The following ADGRL1 variants were observed in gnomAD, a reference collection of about 807,000 sequenced individuals.
ADGRL1 encodes the protein adhesion G protein-coupled receptor L1, also known as CIRL-1.
ADGRL1 carries 31 observed loss-of-function variants against 148.9 expected under a neutral mutation model. The observed-to-expected ratio is 0.21, with a 90% confidence interval of 0.16 to 0.28. The LOEUF is 0.28. Among genes scored for constraint, ADGRL1 ranks in the 10% least tolerant of loss-of-function variants. The probability of loss-of-function intolerance (pLI) is 1.00; values close to 1 mark genes in which losing one functional copy is unlikely to be tolerated. For missense variants in ADGRL1, 1,521 were observed against 2,058.8 expected, an observed-to-expected ratio of 0.74 and a Z score of 5.05; for synonymous variants, 937 against 900.3, an observed-to-expected ratio of 1.04 and a Z score of -0.73.
In ADGRL1 at chr19:14,152,491, C is replaced by T. The variant is rs1173229771; in HGVS notation, c.3520+26G>A. 1 of 1,612,466 alleles carries T rather than the reference C, an allele frequency of 6.2e-7. No homozygotes were observed. The highest frequency in any genetic ancestry group is 8.5e-7 in the Non-Finnish European group (1 of 1,178,706). On this transcript the variant is annotated intron_variant, in intron 20 of 22. Transcript: ENST00000361434. This position sits in a 1 kb window ranked among gnomAD's most constrained non-coding sequence, Gnocchi z 6.1. ...AGCCGGGAGCCTCCAGAGACTGAAG[C>T]CAGAGGCAGAAGGATGCCTTCTCAC...
intron 18 of ADGRL1, among the ~76,000 whole-genome samples, chr19:14,154,648 C>T (rs569655486): frequency 6.6e-6 from 1 of 151,804 alleles, no homozygotes; most frequent in East Asian, 1.9e-4. Context: ...GCTCTGTTGC[C>T]CAGACTGGAG....
chr19:14,180,130 C>A (rs1971087581), intron 2 of ADGRL1, among the ~76,000 whole-genome samples: 1 of 152,132 alleles, frequency 6.6e-6, no homozygotes, highest in Admixed American at 6.6e-5. Flanking sequence ...TGGCAGTACA[C>A]CATGTGTGTT....
In ADGRL1 at chr19:14,177,613, C is replaced by T. The variant is rs778601595; in HGVS notation, c.202G>A (p.Asp68Asn). 23 of 1,614,094 alleles carry T rather than the reference C, an allele frequency of 1.4e-5. No homozygotes were observed. The highest frequency in any genetic ancestry group is 3.3e-5 in the South Asian group (3 of 91,092). The change falls in exon 3 of 23, where the codon GAC (aspartate) becomes AAC (asparagine). Residue 68 changes from aspartate to asparagine, a missense_variant. Coordinates refer to ENST00000361434, the MANE Select transcript of ADGRL1 (RefSeq NM_014921.5). ...AAAGGGTCAGCATCGCAAATCTTGT[C>T]GTCCGTGCGCCCGTAGTTGGCATTC... ...VENANYGRTD[D>N]KICDADPFQM...
At chr19:14,167,391 G>A (rs564234345) in intron 4 of ADGRL1, among the ~76,000 whole-genome samples, 13 of 152,126 alleles carry the variant, frequency 8.5e-5, no homozygotes, top group African/African-American at 3.1e-4. Flanking sequence ...GGTGCAAGGC[G>A]GGGGCAGGGA....
intron 2 of ADGRL1, among the ~76,000 whole-genome samples, chr19:14,182,624 T>C (rs1162421949): frequency 1.3e-5 from 2 of 152,046 alleles, no homozygotes; most frequent in African/African-American, 4.8e-5. Context: ...TGCCTCCTCA[T>C]CTAATTTTAG....
chr19:14,203,984 G>A (rs1449789121), intron 1 of ADGRL1, among the ~76,000 whole-genome samples: 1 of 152,122 alleles, frequency 6.6e-6, no homozygotes, highest in Non-Finnish European at 1.5e-5. Context: ...ACCAGCAGGA[G>A]GGCCGGGACC....
In ADGRL1 at chr19:14,169,710, C is replaced by T. The variant is rs142604004; in HGVS notation, c.394+972G>A. 1,285 of 152,272 alleles carry T rather than the reference C, an allele frequency of 8.4e-3. 15 individuals are homozygous for T. Among genetic ancestry groups the T allele is most frequent in the South Asian group, 0.047 (227 of 4,810 alleles). 9.4% of individuals were successfully genotyped at this position (152,272 alleles called of 1,614,324 possible). On this transcript the variant is annotated intron_variant, in intron 4 of 22. Coordinates refer to ENST00000361434, the MANE Select transcript of ADGRL1 (RefSeq NM_014921.5). ...CTTAGTCCCCAAACCCGGCCCGCCA[C>T]ACTCAGACACCCTGATGGCCCTGCC... is the stretch of plus-strand genomic sequence containing the variant.
chr19:14,158,452 G>A lies in ADGRL1; in HGVS notation c.2250C>T (p.Gly750=). ...TCACCACTAGAGAGGCGCCCCCAGG[G>A]CCACCCGGGCCTGCTTCGCCGGCCA... ...VKLAGEAGPG[G]PGGASLVVNS... Residue 750 remains glycine (G), a synonymous_variant, in exon 12 of 23, where the codon GGC becomes GGT. Transcript: ENST00000361434. 6.2e-7 allele frequency: 1 copy of A among 1,613,750 alleles called. No individual in the cohort carries two copies. The highest frequency in any genetic ancestry group is 8.5e-7 in the Non-Finnish European group (1 of 1,180,014).
At position 14,183,595 on chromosome 19, in the gene ADGRL1, C is replaced by G; in HGVS notation, c.8G>C (p.Arg3Pro). 1 of 1,577,346 alleles carries G rather than the reference C, an allele frequency of 6.3e-7. No individual in the cohort carries two copies. Among genetic ancestry groups the G allele is most frequent in the Non-Finnish European group, 8.6e-7 (1 of 1,161,310 alleles). ...CAGATTCCAGAGCACTGCGGCTAGGCGGGCCATGGTGGCAGCCGGGTGCGT... is the reference window on the plus strand; with the variant it reads ...CAGATTCCAGAGCACTGCGGCTAGGGGGGCCATGGTGGCAGCCGGGTGCGT... MA[R>P]LAAVLWNLCV... is the part of the protein sequence containing the mutation. The change falls in exon 2 of 23, where the codon CGC becomes CCC. Residue 3 changes from arginine to proline, a missense_variant. Transcript: ENST00000361434.
rs1324244570 is a variant in ADGRL1, at chr19:14,155,225, C to T, written c.3294+134G>A. The T allele has an allele frequency of 1.9e-6, 2 of 1,047,330 alleles. No homozygotes were observed. The highest frequency in any genetic ancestry group is 2.8e-6 in the Non-Finnish European group (2 of 716,666). The allele number at this position is 1,047,330 out of a possible 1,614,324, so 64.9% of individuals were successfully genotyped here. ...CCCCTCCCGGTGGACGCAGACCTGACCACAGAAGCCCTGCAGCACTCACTG... is the reference window on the plus strand; with the variant it reads ...CCCCTCCCGGTGGACGCAGACCTGATCACAGAAGCCCTGCAGCACTCACTG... On this transcript the variant is annotated intron_variant, in intron 18 of 22. Transcript: ENST00000361434. The surrounding 1 kb of genome is among the most constrained non-coding windows in gnomAD (Gnocchi z 5.0).
rs752961006 is a variant in ADGRL1, at chr19:14,157,125, G to A, written c.2766C>T (p.Ala922=). The change falls in exon 15 of 23, where the codon GCC becomes GCT. Residue 922 remains alanine, a synonymous_variant. Transcript: ENST00000361434. This position sits in a 1 kb window ranked among gnomAD's most constrained non-coding sequence, Gnocchi z 7.5. ...CCAGGAAGAAATAGTGCAGCAGGCC[G>A]GCGAAGATGGGGCAGGCAATCTGCG... ...TQYEIACPIF[A]GLLHYFFLAA... 24 of 1,613,932 alleles carry A rather than the reference G, an allele frequency of 1.5e-5. No individual in the cohort carries two copies. The highest frequency in any genetic ancestry group is 2.7e-5 in the African/African-American group (2 of 74,898).
chr19:14,204,847 G>A (rs756629768), intron 1 of ADGRL1, among the ~76,000 whole-genome samples: 1 of 152,196 alleles, frequency 6.6e-6, no homozygotes, highest in African/African-American at 2.4e-5. Flanking sequence ...GATGTGGGAA[G>A]ACAGACCCCA....
intron 18 of ADGRL1, among the ~76,000 whole-genome samples, chr19:14,153,896 C>T (rs1968468741): frequency 1.3e-5 from 2 of 151,510 alleles, no homozygotes; most frequent in South Asian, 2.1e-4. Flanking sequence ...GAGCCGAGAT[C>T]GCGCCATTGC....
rs756833889 is a variant in ADGRL1 at position 14,163,035 on chromosome 19, G to A, written c.766C>T (p.Arg256Cys). Reference sequence around the variant, plus strand: ...TCAATGTCGGTCTTTCCGCCCCAGCGGTAGGGCGAGGTGTCATGGTAGTTG... The same window carrying A: ...TCAATGTCGGTCTTTCCGCCCCAGCAGTAGGGCGAGGTGTCATGGTAGTTG... ...TANYHDTSPYRWGGKTDIDLA... is the reference protein window; with the variant it reads ...TANYHDTSPYCWGGKTDIDLA... Residue 256 changes from arginine to cysteine, a missense_variant, in exon 5 of 23, where the codon CGC (arginine) becomes TGC (cysteine). Around this residue, in one of 8 missense-constraint regions of ADGRL1, gnomAD observed 334 missense variants for 512.5 expected, o/e 0.65. Coordinates refer to ENST00000361434, the MANE Select transcript of ADGRL1 (RefSeq NM_014921.5). The A allele has an allele frequency of 5.6e-6, 9 of 1,613,986 alleles. No individual in the cohort carries two copies. Among genetic ancestry groups the A allele is most frequent in the African/African-American group, 1.3e-5 (1 of 74,942 alleles).
At chr19:14,181,817 C>T (rs1442492238) in intron 2 of ADGRL1, among the ~76,000 whole-genome samples, 1 of 152,208 alleles carries the variant, frequency 6.6e-6, no homozygotes. Context: ...AGCCCCGGGT[C>T]ATCCTGCAGG....
chr19:14,199,185 G>A (rs1436689105), intron 1 of ADGRL1, among the ~76,000 whole-genome samples: 4 of 152,192 alleles, frequency 2.6e-5, no homozygotes, highest in African/African-American at 7.2e-5. Context: ...GGACACCCAC[G>A]TCACTCCTCT....
chr19:14,181,490 G>A (rs1386433798), intron 2 of ADGRL1, among the ~76,000 whole-genome samples: 1 of 152,180 alleles, frequency 6.6e-6, no homozygotes, highest in Non-Finnish European at 1.5e-5. Flanking sequence ...AGGCCGAGGT[G>A]GGTGGATCAC....
intron 4 of ADGRL1, chr19:14,169,225 C>G (rs1424283934): frequency 6.6e-6 from 1 of 152,258 alleles, no homozygotes; most frequent in Admixed American, 6.5e-5. Flanking sequence ...ACCCTGCCAC[C>G]AGGAGCGACT....
At chr19:14,179,193 T>TAAAAAATAAAA (rs1971021669) in intron 2 of ADGRL1, among the ~76,000 whole-genome samples, 1 of 138,638 alleles carries the variant, frequency 7.2e-6, no homozygotes, top group Non-Finnish European at 1.6e-5. Flanking sequence ...CAAAAATAAA[T>TAAAAAATAAAA]AAAAAATAAA....
Sources: gnomAD v4.1 joint callset for allele counts (sites outside exome capture counted in the v4.1 genomes callset) on GRCh38, gnomAD v4.1.1 for gene constraint, gnomAD v4.1.1 regional missense constraint, Gnocchi (gnomAD v3.1) non-coding constraint, MANE v1.5 for transcripts, NCBI Gene and HGNC (gene_info 2026-07-23, HGNC 2026-07-21) for gene names.